Variants in QTGAL observed in about 807,000 individuals in gnomAD.
QTGAL encodes queuosine-tRNA galactosyltransferase, also known as BGnT-like protein 1.
chr17:82,999,502 T>G, the QTGAL span, among the ~76,000 whole-genome samples: 1 of 152,304 alleles, frequency 6.6e-6, no homozygotes, highest in Admixed American at 6.5e-5. Context: ...CCCCGAAAAT[T>G]TAACCACTAA....
chr17:82,946,232 C>T, the QTGAL span, among the ~76,000 whole-genome samples: 36 of 152,144 alleles, frequency 2.4e-4, no homozygotes, highest in South Asian at 4.2e-3. Context: ...AGCTGCAAAA[C>T]ACACACACAA....
At chr17:83,032,587 C>T in the QTGAL span, among the ~76,000 whole-genome samples, 6 of 152,348 alleles carry the variant, frequency 3.9e-5, no homozygotes, top group African/African-American at 1.4e-4. Flanking sequence ...CACCCAAAGA[C>T]AATAAAAAGC....
chr17:83,012,378 T>A, the QTGAL span, among the ~76,000 whole-genome samples: 2 of 152,252 alleles, frequency 1.3e-5, no homozygotes, highest in Non-Finnish European at 2.9e-5. Context: ...TGTTTTTCAG[T>A]ATGGAAATGA....
the QTGAL span, chr17:82,947,005 G>C: frequency 6.4e-7 from 1 of 1,550,988 alleles, no homozygotes; most frequent in Non-Finnish European, 8.7e-7. Context: ...AGCAGATTCA[G>C]CTCAGTCCGG....
the QTGAL span, among the ~76,000 whole-genome samples, chr17:83,047,532 A>G: frequency 7.0e-6 from 1 of 141,870 alleles, no homozygotes; most frequent in Non-Finnish European, 1.6e-5. Flanking sequence ...AATCCCTACC[A>G]AAGAATAAGA....
chr17:82,944,221 T>TCTAA, the QTGAL span: 1 of 152,080 alleles, frequency 6.6e-6, no homozygotes, highest in Non-Finnish European at 1.5e-5. Context: ...TTAATGTCGG[T>TCTAA]CTAACTTAGC....
At chr17:83,020,641 A>T in the QTGAL span, among the ~76,000 whole-genome samples, 10 of 152,162 alleles carry the variant, frequency 6.6e-5, no homozygotes, top group Admixed American at 3.9e-4. Context: ...TCGGGAGACA[A>T]AGTCAGCCCC....
At chr17:82,943,242 G>T in the QTGAL span, 1 of 152,284 alleles carries the variant, frequency 6.6e-6, no homozygotes, top group African/African-American at 2.4e-5. Flanking sequence ...TTAGGCAAAG[G>T]GCAGGAGGCT....
chr17:83,021,318 A>G, the QTGAL span, among the ~76,000 whole-genome samples: 2 of 133,504 alleles, frequency 1.5e-5, no homozygotes, highest in Non-Finnish European at 3.3e-5. Flanking sequence ...ATCATTTCAT[A>G]GTAAATTGTA....
chr17:83,003,155 T>C, the QTGAL span, among the ~76,000 whole-genome samples: 2 of 16,116 alleles, frequency 1.2e-4, no homozygotes, highest in African/African-American at 6.7e-4. Flanking sequence ...TCCCACTCTC[T>C]GCAGTCCGCG....
the QTGAL span, among the ~76,000 whole-genome samples, chr17:82,980,181 T>C: frequency 3.9e-5 from 6 of 152,190 alleles, no homozygotes; most frequent in Admixed American, 2.6e-4. Context: ...ACTCAAAGCA[T>C]ATTAAAAAAA....
the QTGAL span, among the ~76,000 whole-genome samples, chr17:82,954,461 C>T: frequency 6.6e-6 from 1 of 151,936 alleles, no homozygotes; most frequent in East Asian, 1.9e-4. Flanking sequence ...TCAAGAAAAA[C>T]TATAAACCAC....
At chr17:83,011,825 A>C in the QTGAL span, among the ~76,000 whole-genome samples, 4 of 152,262 alleles carry the variant, frequency 2.6e-5, no homozygotes, top group African/African-American at 7.2e-5. Context: ...CAATTAAGAC[A>C]AACTGACCAT....
chr17:82,958,287 G>A, the QTGAL span, among the ~76,000 whole-genome samples: 1 of 152,184 alleles, frequency 6.6e-6, no homozygotes, highest in African/African-American at 2.4e-5. Context: ...CTCCCCAATG[G>A]CCGCGATGTA....
chr17:82,994,843 G>A, the QTGAL span, among the ~76,000 whole-genome samples: 2 of 152,276 alleles, frequency 1.3e-5, no homozygotes, highest in East Asian at 1.9e-4. Context: ...CATTCATCAC[G>A]ACCAAGTGGG....
At chr17:83,005,228 A>C in the QTGAL span, 1 of 1,592,236 alleles carries the variant, frequency 6.3e-7, no homozygotes, top group Admixed American at 1.7e-5. This position sits in a 1 kb window ranked among gnomAD's most constrained non-coding sequence, Gnocchi z 5.6. Context: ...AAACAACGGC[A>C]GACAGAGCTC....
At chr17:83,026,200 G>C in the QTGAL span, among the ~76,000 whole-genome samples, 1 of 152,324 alleles carries the variant, frequency 6.6e-6, no homozygotes, top group East Asian at 1.9e-4. Flanking sequence ...GGAATTCTAA[G>C]TGCTGGAGAA....
At chr17:82,997,920 TAAA>T in the QTGAL span, among the ~76,000 whole-genome samples, 16 of 137,592 alleles carry the variant, frequency 1.2e-4, no homozygotes, top group African/African-American at 2.9e-4. Context: ...TTAATGGGTT[TAAA>T]AAAAAAAATA....
chr17:82,961,919 C>A, the QTGAL span, among the ~76,000 whole-genome samples: 61 of 152,304 alleles, frequency 4.0e-4, no homozygotes, highest in Non-Finnish European at 7.6e-4. Flanking sequence ...CAATCCTCAG[C>A]CCAGGGCTCT....
Sources: gnomAD v4.1 joint callset for allele counts (sites outside exome capture counted in the v4.1 genomes callset) on GRCh38, gnomAD v4.1.1 for gene constraint, Gnocchi (gnomAD v3.1) non-coding constraint, MANE v1.5 for transcripts, NCBI Gene and HGNC (gene_info 2026-07-23, HGNC 2026-07-21) for gene names.